ACER3: variants seen among roughly 807,000 people sequenced by gnomAD.
ACER3 encodes alkCDase 3.
A neutral mutation model predicts 48.9 loss-of-function variants in ACER3; 16 were observed. The ratio of observed to expected loss-of-function variants is 0.33; its 90% CI spans 0.22 to 0.50. The LOEUF (loss-of-function observed/expected upper bound fraction) is 0.50, where lower values mean the gene tolerates loss of function less well. ACER3 is among the 20% of genes least tolerant of loss of function. The pLI is 0.98. For synonymous variants in ACER3, 109 were observed against 107.8 expected (o/e 1.01, Z -0.07); for missense variants, 227 against 326.0 (o/e 0.70, Z 2.34).
chr11:76,895,165 C>A (rs1019029714), intron 1 of ACER3, among the ~76,000 whole-genome samples: 38 of 152,064 alleles, frequency 2.5e-4, no homozygotes, highest in African/African-American at 8.0e-4. Context: ...TACTTCCTTT[C>A]TACTATTAAT....
At chr11:76,953,272 C>A (rs10793215) in intron 2 of ACER3, among the ~76,000 whole-genome samples, 103,203 of 151,990 alleles carry the variant, frequency 0.68, 35,435 homozygotes, top group Non-Finnish European at 0.74. Flanking sequence ...GGAATGAAAA[C>A]AATCTTTTGG....
At chr11:76,970,040 C>G (rs1024053690) in intron 3 of ACER3, among the ~76,000 whole-genome samples, 4 of 151,862 alleles carry the variant, frequency 2.6e-5, no homozygotes, top group African/African-American at 9.7e-5. Flanking sequence ...TACCTTGCAA[C>G]TCTTACTGTG....
chr11:76,992,321 A>C (rs1026002410), intron 6 of ACER3, among the ~76,000 whole-genome samples: 3 of 152,220 alleles, frequency 2.0e-5, no homozygotes, highest in African/African-American at 7.2e-5. Context: ...CCACAAAAAT[A>C]TAAAATTTGG....
chr11:76,946,569 T>C (rs1349733523), intron 2 of ACER3, among the ~76,000 whole-genome samples: 1 of 152,132 alleles, frequency 6.6e-6, no homozygotes, highest in African/African-American at 2.4e-5. Flanking sequence ...CAGGGCCCCT[T>C]CCAGGTAAGC....
intron 1 of ACER3, 123 bp downstream of exon 1, chr11:76,861,202 G>A (rs1049900070): frequency 1.9e-5 from 18 of 940,186 alleles, no homozygotes; most frequent in East Asian, 3.2e-5. Context: ...CCCGGGAGCT[G>A]GAATGCGGCG....
intron 4 of ACER3, 90 bp from the exon 5 acceptor site, chr11:76,985,553 C>T (rs913162544): frequency 5.5e-5 from 41 of 749,888 alleles, no homozygotes; most frequent in Middle Eastern, 3.7e-4. Context: ...CACTTATCAT[C>T]GAGAGATATA....
intron 1 of ACER3, among the ~76,000 whole-genome samples, chr11:76,892,998 C>T (rs1316197821): frequency 6.6e-6 from 1 of 152,112 alleles, no homozygotes; most frequent in Non-Finnish European, 1.5e-5. Flanking sequence ...CAAAAATTAG[C>T]ATCTCTATAC....
chr11:76,964,474 C>G (rs1176317383), intron 3 of ACER3, among the ~76,000 whole-genome samples: 1 of 151,214 alleles, frequency 6.6e-6, no homozygotes, highest in Non-Finnish European at 1.5e-5. Flanking sequence ...AGTGGTTCTC[C>G]CAGCATGAAG....
chr11:76,940,127 T>C (rs936725862), intron 2 of ACER3, among the ~76,000 whole-genome samples: 19 of 152,184 alleles, frequency 1.2e-4, no homozygotes, highest in African/African-American at 4.6e-4. Context: ...AATATGTTTA[T>C]TGCTTTATTT....
intron 2 of ACER3, among the ~76,000 whole-genome samples, chr11:76,950,576 C>T (rs1947636373): frequency 6.6e-6 from 1 of 151,198 alleles, no homozygotes; most frequent in Non-Finnish European, 1.5e-5. Context: ...ATCCTGCCAC[C>T]TCAGCCTCCC....
intron 2 of ACER3, among the ~76,000 whole-genome samples, chr11:76,935,586 T>TA (rs908616698): frequency 1.3e-5 from 2 of 152,124 alleles, no homozygotes; most frequent in African/African-American, 4.8e-5. Context: ...CAGCATTTTC[T>TA]AAAAAAATGA....
At chr11:76,994,125 G>A (rs770992014) in intron 6 of ACER3, 41 of 435,386 alleles carry the variant, frequency 9.4e-5, no homozygotes, top group Non-Finnish European at 1.7e-4. Flanking sequence ...ATATTGTAGG[G>A]ATTAAACTTT....
chr11:77,014,975 T>G, intron 7 of ACER3, 41 bp from the exon 8 acceptor site: 1 of 1,224,834 alleles, frequency 8.2e-7, no homozygotes, highest in Non-Finnish European at 1.2e-6. Context: ...TGACATGACT[T>G]GAGAAAATTT....
intron 2 of ACER3, among the ~76,000 whole-genome samples, chr11:76,952,798 T>C (rs1176331228): frequency 2.0e-5 from 3 of 151,306 alleles, no homozygotes; most frequent in African/African-American, 7.3e-5. Context: ...CCCAAGTAGC[T>C]GCAATTACAG....
intron 5 of ACER3, among the ~76,000 whole-genome samples, chr11:76,986,804 C>G (rs947078095): frequency 6.6e-6 from 1 of 152,176 alleles, no homozygotes; most frequent in African/African-American, 2.4e-5. Flanking sequence ...GTGGCCCACT[C>G]CTGTAATCCC....
rs185086561 is a variant in ACER3 at position 77,026,454 on chromosome 11, A to G, written c.*6127A>G. On this transcript the variant is annotated 3_prime_UTR_variant, in exon 11 of 11. Transcript: ENST00000532485. The stretch of plus-strand genomic sequence containing the variant: ...GCATTGTTCACTATCATGCCTTTCC[A>G]TACTTGTAATATTTCTGAGTCACTT... 1 of 152,236 alleles carries G rather than the reference A, an allele frequency of 6.6e-6. No homozygotes were observed. 9.4% of individuals were successfully genotyped at this position (152,236 alleles called of 1,614,324 possible).
intron 1 of ACER3, among the ~76,000 whole-genome samples, chr11:76,911,330 G>A (rs1012375940): frequency 2.6e-5 from 4 of 152,142 alleles, no homozygotes; most frequent in African/African-American, 4.8e-5. Flanking sequence ...ACTTCCAGAC[G>A]TTGCCATGAC....
chr11:76,932,190 T>G (rs896497857), intron 2 of ACER3, among the ~76,000 whole-genome samples: 1 of 152,152 alleles, frequency 6.6e-6, no homozygotes, highest in Non-Finnish European at 1.5e-5. Flanking sequence ...GATCAAGCAA[T>G]CTTCCTGCCG....
At chr11:77,005,993 T>A (rs28630787) in intron 7 of ACER3, among the ~76,000 whole-genome samples, 1,661 of 87,764 alleles carry the variant, frequency 0.019, 39 homozygotes, top group East Asian at 0.042. Context: ...ATATATATAT[T>A]TTTTTTTTTT....
Sources: allele counts gnomAD v4.1 joint callset (sites outside exome capture counted in the v4.1 genomes callset), GRCh38; gene constraint gnomAD v4.1.1; transcripts MANE v1.5; gene names NCBI Gene and HGNC (gene_info 2026-07-23, HGNC 2026-07-21).